MORC1: variants seen among roughly 807,000 people sequenced by gnomAD.
MORC1 encodes MORC family CW-type zinc finger 1, also known as MORC family CW-type zinc finger protein 1.
MORC1 carries 59 observed loss-of-function variants against 134.9 expected under a neutral mutation model. That is an observed-to-expected ratio of 0.44 (90% CI 0.35 to 0.54). MORC1 has a LOEUF of 0.54. MORC1 is among the 20% of genes least tolerant of loss of function. MORC1 has a pLI of 0.00. For missense variants in MORC1, 947 were observed against 1,134.5 expected, an observed-to-expected ratio of 0.83 and a Z score of 2.37; for synonymous variants, 395 against 391.7, an observed-to-expected ratio of 1.01 and a Z score of -0.10.
intron 13 of MORC1, among the ~76,000 whole-genome samples, chr3:109,055,340 A>G (rs1949932452): frequency 6.6e-6 from 1 of 152,164 alleles, no homozygotes; most frequent in Non-Finnish European, 1.5e-5. Context: ...TCTATGAAGG[A>G]ATCACAGAGT....
chr3:109,016,635 C>A (rs905771020), intron 17 of MORC1, among the ~76,000 whole-genome samples: 1 of 151,928 alleles, frequency 6.6e-6, no homozygotes, highest in Non-Finnish European at 1.5e-5. Context: ...GGCCGAGGTG[C>A]GCAGATGACT....
intron 17 of MORC1, among the ~76,000 whole-genome samples, chr3:109,025,372 C>CTTTTT (rs1176927651): frequency 9.2e-6 from 1 of 109,026 alleles, no homozygotes. Flanking sequence ...GTTTCTTTTT[C>CTTTTT]TTTTTTCTTT....
chr3:109,093,416 T>C lies in MORC1; in HGVS notation c.689+20A>G. ...GCTCACCACCATTGTTGAAAAACAT[T>C]CTGTCAAACACACACATACTCCTCC... On this transcript the variant is annotated intron_variant, in intron 8 of 27. Coordinates refer to ENST00000232603, the MANE Select transcript of MORC1 (RefSeq NM_014429.4). 1 of 1,578,812 alleles carries C rather than the reference T, an allele frequency of 6.3e-7. No individual in the cohort carries two copies. Among genetic ancestry groups the C allele is most frequent in the Non-Finnish European group, 8.7e-7 (1 of 1,149,298 alleles).
At chr3:109,019,901 T>C (rs748839416) in intron 17 of MORC1, among the ~76,000 whole-genome samples, 1 of 152,102 alleles carries the variant, frequency 6.6e-6, no homozygotes, top group Non-Finnish European at 1.5e-5. Flanking sequence ...GGGGAGAGAT[T>C]GGAGAGAAGG....
At chr3:109,014,619 T>C (rs1948772759) in intron 17 of MORC1, among the ~76,000 whole-genome samples, 1 of 152,248 alleles carries the variant, frequency 6.6e-6, no homozygotes, top group Non-Finnish European at 1.5e-5. Flanking sequence ...TCTTAAATTA[T>C]TTGGGTTTGT....
chr3:109,099,776 C>CTAAATACTAA (rs1456487810), intron 5 of MORC1, among the ~76,000 whole-genome samples: 6 of 152,048 alleles, frequency 3.9e-5, no homozygotes, highest in African/African-American at 1.2e-4. Flanking sequence ...TTCAATGCAG[C>CTAAATACTAA]ATACTAAAAC....
At chr3:109,035,805 G>A (rs1365379658) in intron 14 of MORC1, among the ~76,000 whole-genome samples, 5 of 152,030 alleles carry the variant, frequency 3.3e-5, no homozygotes, top group Non-Finnish European at 7.4e-5. Context: ...AGCATTCCCA[G>A]GAAAGACTGT....
intron 22 of MORC1, among the ~76,000 whole-genome samples, 171 bp downstream of exon 22, chr3:108,986,709 G>A (rs995199475): frequency 1.3e-5 from 2 of 151,988 alleles, no homozygotes; most frequent in Non-Finnish European, 2.9e-5. Context: ...ACACAAGGTT[G>A]GCAGCTCACC....
At chr3:109,026,716 T>C (rs1949082282) in intron 17 of MORC1, among the ~76,000 whole-genome samples, 2 of 152,330 alleles carry the variant, frequency 1.3e-5, no homozygotes, top group African/African-American at 4.8e-5. Flanking sequence ...AAACCTTTAT[T>C]TCTGACTTTT....
intron 1 of MORC1, among the ~76,000 whole-genome samples, chr3:109,115,768 T>C (rs1252968007): frequency 2.0e-5 from 3 of 152,208 alleles, no homozygotes; most frequent in Non-Finnish European, 2.9e-5. Flanking sequence ...GGGTCTTGGA[T>C]GTCCTGGAGC....
Position 108,982,585 on chromosome 3 carries a change from G to C in MORC1, c.2324+2131C>G, listed in dbSNP as rs943441331. Among the ~76,000 whole-genome samples, 4 of 151,432 alleles carry C rather than the reference G, an allele frequency of 2.6e-5. No individual in the cohort carries two copies. In the East Asian group the frequency reaches 7.8e-4, roughly 29 times the overall value. On this transcript the variant is annotated intron_variant, in intron 23 of 27. Transcript: ENST00000232603. ...ACACACGGGGACCTGTCGTGGGATG[G>C]GGGGGGCAGGGGGAGGGATAGCATT...
At chr3:109,036,939 G>A (rs1949393199) in intron 14 of MORC1, among the ~76,000 whole-genome samples, 1 of 152,124 alleles carries the variant, frequency 6.6e-6, no homozygotes, top group Non-Finnish European at 1.5e-5. Context: ...AATCTGCCGT[G>A]TTGACTTATG....
At chr3:108,974,816 AGTT>A (rs1257641235) in intron 24 of MORC1, among the ~76,000 whole-genome samples, 1 of 152,234 alleles carries the variant, frequency 6.6e-6, no homozygotes, top group Non-Finnish European at 1.5e-5. Context: ...TATCTTCCAA[AGTT>A]GTTACTTTCA....
chr3:109,022,195 C>T (rs1948974496), intron 17 of MORC1, among the ~76,000 whole-genome samples: 1 of 152,150 alleles, frequency 6.6e-6, no homozygotes, highest in African/African-American at 2.4e-5. Flanking sequence ...GGCTGAAAAG[C>T]ACTCTTGAAG....
intron 14 of MORC1, among the ~76,000 whole-genome samples, chr3:109,037,452 T>C (rs997899505): frequency 1.3e-5 from 2 of 152,216 alleles, no homozygotes; most frequent in African/African-American, 4.8e-5. Context: ...TTGTGTGTTT[T>C]TAATTATACT....
At chr3:109,011,561 G>T (rs1948686041) in intron 17 of MORC1, among the ~76,000 whole-genome samples, 1 of 144,432 alleles carries the variant, frequency 6.9e-6, no homozygotes, top group African/African-American at 2.6e-5. Flanking sequence ...CGCTCTTGCT[G>T]CCCAGGCTGA....
rs371131747 is a variant in MORC1, at chr3:109,066,993, T to C, written c.815+2639A>G. Among the ~76,000 whole-genome samples, 18 of 152,302 alleles carry C rather than the reference T, an allele frequency of 1.2e-4. No individual in the cohort carries two copies. The East Asian group carries it at 2.7e-3, about 23-fold the overall frequency. Reference sequence around the variant, plus strand: ...TGCATGGTGTACAAAAGAATCACTGTTCAAAAATTACTAGTCTGATAGGTG... The same window carrying C: ...TGCATGGTGTACAAAAGAATCACTGCTCAAAAATTACTAGTCTGATAGGTG... On this transcript the variant is annotated intron_variant, in intron 9 of 27. Coordinates refer to ENST00000232603, the MANE Select transcript of MORC1 (RefSeq NM_014429.4).
chr3:109,020,856 G>T (rs1393869638), intron 17 of MORC1, among the ~76,000 whole-genome samples: 2 of 152,078 alleles, frequency 1.3e-5, no homozygotes, highest in Non-Finnish European at 2.9e-5. Flanking sequence ...ATATGGTCAG[G>T]TGACAAGGAT....
chr3:109,031,702 G>A (rs929361215), intron 16 of MORC1, among the ~76,000 whole-genome samples: 1 of 152,142 alleles, frequency 6.6e-6, no homozygotes, highest in Non-Finnish European at 1.5e-5. Flanking sequence ...TATAATCACG[G>A]TCCCTGGAGC....
Sources: gnomAD v4.1 joint callset for allele counts (sites outside exome capture counted in the v4.1 genomes callset) on GRCh38, gnomAD v4.1.1 for gene constraint, MANE v1.5 for transcripts, NCBI Gene and HGNC (gene_info 2026-07-23, HGNC 2026-07-21) for gene names.